The following ZPBP2 variants were observed in gnomAD, a reference collection of about 807,000 sequenced individuals.
The protein encoded by ZPBP2 is zona pellucida-binding protein 2.
ZPBP2 carries 34 observed loss-of-function variants against 37.5 expected under a neutral mutation model. The ratio of observed to expected loss-of-function variants is 0.91; its 90% CI spans 0.69 to 1.21. ZPBP2 has a LOEUF of 1.21. Among genes scored for constraint, ZPBP2 ranks in the 50% most tolerant of loss-of-function variants. The probability of loss-of-function intolerance (pLI) is 0.00; values close to 1 mark genes in which losing one functional copy is unlikely to be tolerated. For synonymous variants in ZPBP2, 143 were observed against 138.4 expected (o/e 1.03, Z -0.23); for missense variants, 397 against 413.5 (o/e 0.96, Z 0.35).
At chr17:39,875,474 G>A in intron 7 of ZPBP2, 40 bp downstream of exon 7, 2 of 1,420,112 alleles carry the variant, frequency 1.4e-6, no homozygotes, top group Non-Finnish European at 1.9e-6. Flanking sequence ...TTAGGTTATA[G>A]AGTCAGAAGA....
At chr17:39,872,121 G>C in intron 4 of ZPBP2, 149 bp from the exon 5 acceptor site, 1 of 530,770 alleles carries the variant, frequency 1.9e-6, no homozygotes, top group Admixed American at 3.8e-5. Flanking sequence ...ATGTATTTTT[G>C]TGAGGACTAA....
chr17:39,871,406 G>C, intron 3 of ZPBP2, 58 bp from the exon 4 acceptor site: 2 of 1,245,350 alleles, frequency 1.6e-6, no homozygotes, highest in Non-Finnish European at 2.2e-6. Flanking sequence ...AACTCCAAGT[G>C]TACTAAATAA....
intron 5 of ZPBP2, among the ~76,000 whole-genome samples, 185 bp from the exon 6 acceptor site, chr17:39,872,859 C>A (rs143436250): frequency 6.6e-6 from 1 of 152,166 alleles, no homozygotes; most frequent in African/African-American, 2.4e-5. Flanking sequence ...TACATTAGCC[C>A]CCAGATGCAG....
chr17:39,868,535 T>A lies in ZPBP2; in HGVS notation c.53-14T>A. The A allele has an allele frequency of 6.2e-7, 1 of 1,614,202 alleles. No individual in the cohort carries two copies. The highest frequency in any genetic ancestry group is 8.5e-7 in the Non-Finnish European group (1 of 1,180,036). On this transcript the variant is annotated splice_polypyrimidine_tract_variant and intron_variant, in intron 1 of 7. Transcript: ENST00000348931. ...CTCTTCTAACTAAAAGTCAGTGTTT[T>A]ATTTCCTCCGCAGTCCAATGCCCGC...
intron 2 of ZPBP2, 49 bp downstream of exon 2, chr17:39,868,663 C>G: frequency 6.2e-7 from 1 of 1,605,710 alleles, no homozygotes; most frequent in South Asian, 1.1e-5. Context: ...GCCGGAACTG[C>G]GAAGCTCTTC....
chr17:39,870,798 C>A lies in ZPBP2; in HGVS notation c.223C>A (p.Pro75Thr). 6.5e-7 allele frequency: 1 copy of A among 1,547,216 alleles called. No individual in the cohort carries two copies. Among genetic ancestry groups the A allele is most frequent in the South Asian group, 1.3e-5 (1 of 78,156 alleles). ...IVDPTYLWIG[P>T]NEKTLTGNNR... ...GGACCCCACCTACTTATGGATTGGG[C>A]CTAATGAAAAGACGTTAACAGGTAA... Residue 75 changes from proline (P) to threonine (T), a missense_variant, in exon 3 of 8, where the codon CCT becomes ACT. By Grantham distance (38) the Pro-to-Thr change is conservative. Transcript: ENST00000348931.
chr17:39,876,716 T>G lies in ZPBP2; in HGVS notation c.924T>G (p.Val308=), dbSNP rs34986808. Residue 308 remains valine, a synonymous_variant, in exon 8 of 8, where the codon GTT becomes GTG. Coordinates refer to ENST00000348931, the MANE Select transcript of ZPBP2 (RefSeq NM_199321.3). The part of the protein sequence containing the change: ...VCSPATFSPD[V]NVTCQTCVSV... The stretch of plus-strand genomic sequence containing the variant: ...GTCCTGCGACTTTTAGTCCTGATGT[T>G]AATGTAACTTGTCAGACCTGCGTTT... 4,505 of 1,613,924 alleles carry G rather than the reference T, an allele frequency of 2.8e-3. 112 individuals are homozygous for G. In the African/African-American group the frequency reaches 0.053, roughly 19 times the overall value.
In ZPBP2 at chr17:39,868,321, C is replaced by T; in HGVS notation, c.-34C>T. On this transcript the variant is annotated 5_prime_UTR_variant, in exon 1 of 8. Coordinates refer to ENST00000348931, the MANE Select transcript of ZPBP2 (RefSeq NM_199321.3). ...GGGCTGAGGTAGGAGGGAGTCTGTC[C>T]CTCGACGCCTCCTGCGACGCCAGCC... 1.9e-6 allele frequency: 3 copies of T among 1,603,004 alleles called. No homozygotes were observed. Among genetic ancestry groups the T allele is most frequent in the Non-Finnish European group, 1.7e-6 (2 of 1,178,848 alleles).
intron 3 of ZPBP2, 70 bp downstream of exon 3, chr17:39,870,889 T>C: frequency 8.0e-7 from 1 of 1,243,426 alleles, no homozygotes; most frequent in Non-Finnish European, 1.1e-6. Flanking sequence ...TGTTACTTAT[T>C]GGAAAGAACA....
chr17:39,875,593 A>ATTTT (rs71152615), intron 7 of ZPBP2, among the ~76,000 whole-genome samples, 159 bp downstream of exon 7: 1 of 146,110 alleles, frequency 6.8e-6, no homozygotes, highest in Non-Finnish European at 1.5e-5. Flanking sequence ...CAAAGCCCCA[A>ATTTT]TTTTTTTTTT....
In ZPBP2 at chr17:39,876,795, C is replaced by G. The variant is rs35302660; in HGVS notation, c.1003C>G (p.Gln335Glu). Residue 335 changes from glutamine to glutamate, a missense_variant, in exon 8 of 8, where the codon CAA (glutamine) becomes GAA (glutamate). Coordinates refer to ENST00000348931, the MANE Select transcript of ZPBP2 (RefSeq NM_199321.3). The part of the protein sequence containing the change: ...SCPQTSNKNQ[Q>E]YED ...CCCACAAACTTCAAACAAAAATCAG[C>G]AATATGAAGATTAGAGGTGAAAGCA... The G allele has an allele frequency of 7.4e-3, 11,950 of 1,613,508 alleles. 661 individuals are homozygous for G. The African/African-American group carries it at 0.13, about 17-fold the overall frequency.
intron 5 of ZPBP2, among the ~76,000 whole-genome samples, chr17:39,872,723 C>G (rs1043468101): frequency 1.3e-5 from 2 of 152,034 alleles, no homozygotes; most frequent in African/African-American, 2.4e-5. Flanking sequence ...ATTAATACAG[C>G]CTTTATGCAG....
Position 39,876,426 on chromosome 17 carries a change from A to G in ZPBP2, c.890-256A>G, listed in dbSNP as rs942673543. Among the ~76,000 whole-genome samples the G allele has an allele frequency of 3.9e-5, 6 of 152,254 alleles. No homozygotes were observed. The South Asian group carries it at 1.2e-3, about 32-fold the overall frequency. On this transcript the variant is annotated intron_variant, in intron 7 of 7. Transcript: ENST00000348931. ...ACTCATAAATGGGGCACTGCAGAAG[A>G]TACTGTAAAATGCTGATAGTAAAAG... is the stretch of plus-strand genomic sequence containing the variant.
At chr17:39,870,502 A>G (rs2063359761) in intron 2 of ZPBP2, among the ~76,000 whole-genome samples, 192 bp from the exon 3 acceptor site, 1 of 152,260 alleles carries the variant, frequency 6.6e-6, no homozygotes, top group African/African-American at 2.4e-5. Flanking sequence ...CTAACAGTGT[A>G]GAGTTTTAAA....
intron 6 of ZPBP2, among the ~76,000 whole-genome samples, chr17:39,874,800 G>A (rs1043944102): frequency 7.9e-5 from 12 of 151,682 alleles, no homozygotes; most frequent in Admixed American, 1.3e-4. Flanking sequence ...CGCCAGGCTG[G>A]AGTGCAGTGG....
At position 39,875,413 on chromosome 17, in the gene ZPBP2, A is replaced by G. The variant is rs149369096; in HGVS notation, c.868A>G (p.Ser290Gly). ...CTTTGGAAAAAATGAACGTCTACACAGTAATTGCGCTAGCTGTTGTGGTAA... is the reference window on the plus strand; with the variant it reads ...CTTTGGAAAAAATGAACGTCTACACGGTAATTGCGCTAGCTGTTGTGGTAA... ...PGFGKNERLH[S>G]NCASCCVVCS... Residue 290 changes from serine (S) to glycine (G), a missense_variant, in exon 7 of 8, where the codon AGT becomes GGT. Transcript: ENST00000348931. 1.4e-5 allele frequency: 22 copies of G among 1,608,202 alleles called. No homozygotes were observed. The highest frequency in any genetic ancestry group is 5.1e-5 in the Admixed American group (3 of 58,680).
At chr17:39,873,180 A>C in intron 6 of ZPBP2, 54 bp downstream of exon 6, 4 of 1,557,780 alleles carry the variant, frequency 2.6e-6, no homozygotes, top group Non-Finnish European at 3.5e-6. Context: ...TTTTAGAGAC[A>C]GGGTGTCACC....
intron 1 of ZPBP2, 54 bp from the exon 2 acceptor site, chr17:39,868,495 C>G: frequency 6.2e-7 from 1 of 1,613,802 alleles, no homozygotes; most frequent in East Asian, 2.2e-5. Flanking sequence ...CCCTGCCCGA[C>G]TCTGAACCCT....
In ZPBP2 at chr17:39,868,339, C is replaced by G; in HGVS notation, c.-16C>G. 3 of 1,607,282 alleles carry G rather than the reference C, an allele frequency of 1.9e-6. No homozygotes were observed. Among genetic ancestry groups the G allele is most frequent in the Non-Finnish European group, 2.5e-6 (3 of 1,179,768 alleles). ...GTCTGTCCCTCGACGCCTCCTGCGA[C>G]GCCAGCCCCTGAGCGATGATGCGAA... On this transcript the variant is annotated 5_prime_UTR_variant, in exon 1 of 8. Coordinates refer to ENST00000348931, the MANE Select transcript of ZPBP2 (RefSeq NM_199321.3).
Sources: allele counts gnomAD v4.1 joint callset (sites outside exome capture counted in the v4.1 genomes callset), GRCh38; gene constraint gnomAD v4.1.1; transcripts MANE v1.5; gene names NCBI Gene and HGNC (gene_info 2026-07-23, HGNC 2026-07-21).